OTOA: variants seen among roughly 807,000 people sequenced by gnomAD.
OTOA encodes cancer/testis antigen 108.
Under a neutral mutation model 110.8 loss-of-function variants are expected in OTOA, and 70 were observed. The observed-to-expected ratio is 0.63, with a 90% CI of 0.52 to 0.77. OTOA has a LOEUF of 0.77. Ranked by LOEUF, OTOA falls within the 30% of genes least tolerant of loss-of-function variation. The pLI, the probability that OTOA is intolerant of heterozygous loss-of-function variation, is 0.00. For missense variants in OTOA, 917 were observed against 1,075.8 expected (o/e 0.85, Z 2.06); for synonymous variants, 373 against 431.5 (o/e 0.86, Z 1.68).
chr16:21,711,162 G>A (rs74557138), intron 13 of OTOA, among the ~76,000 whole-genome samples: 2,727 of 152,292 alleles, frequency 0.018, 102 homozygotes, highest in African/African-American at 0.062. Context: ...TGGGATCAAC[G>A]TGTGGGACTC....
intron 11 of OTOA, among the ~76,000 whole-genome samples, chr16:21,701,368 TTTAAG>T (rs1898049557): frequency 6.6e-6 from 1 of 152,148 alleles, no homozygotes; most frequent in South Asian, 2.1e-4. Flanking sequence ...GTGATTTCCG[TTTAAG>T]TTGAGTCAAG....
chr16:21,695,951 G>A (rs1410347739), intron 9 of OTOA, among the ~76,000 whole-genome samples: 2 of 138,664 alleles, frequency 1.4e-5, no homozygotes, highest in Non-Finnish European at 3.0e-5. Flanking sequence ...CTGGAGTGCA[G>A]TGGTATGATC....
At chr16:21,668,767 G>A (rs1023015416) in intron 1 of OTOA, among the ~76,000 whole-genome samples, 11 of 151,952 alleles carry the variant, frequency 7.2e-5, no homozygotes, top group African/African-American at 2.2e-4. Flanking sequence ...CAGACATGAC[G>A]TGTTTGAATC....
intron 11 of OTOA, chr16:21,704,854 G>A (rs1200610524): frequency 3.9e-6 from 3 of 762,440 alleles, no homozygotes; most frequent in Non-Finnish European, 7.3e-6. Flanking sequence ...CTTGCTACAA[G>A]GTGATGCTGG....
intron 10 of OTOA, among the ~76,000 whole-genome samples, chr16:21,700,530 G>C (rs215886): frequency 0.71 from 106,882 of 151,582 alleles, 38,048 homozygotes; most frequent in Non-Finnish European, 0.74. Context: ...TTCGAGACCA[G>C]CCTGGACAAC....
At chr16:21,698,133 G>A (rs1462956106) in intron 10 of OTOA, among the ~76,000 whole-genome samples, 1 of 152,154 alleles carries the variant, frequency 6.6e-6, no homozygotes, top group Non-Finnish European at 1.5e-5. Context: ...TCTGATGTGA[G>A]CAAACATGAT....
chr16:21,686,394 T>A (rs1325684535), intron 7 of OTOA, among the ~76,000 whole-genome samples: 1 of 151,720 alleles, frequency 6.6e-6, no homozygotes, highest in African/African-American at 2.4e-5. Flanking sequence ...GCCCAAGTGA[T>A]CCTCCCACCT....
chr16:21,699,711 G>A (rs922533699), intron 10 of OTOA, among the ~76,000 whole-genome samples: 5 of 151,972 alleles, frequency 3.3e-5, no homozygotes, highest in African/African-American at 1.2e-4. Flanking sequence ...GTGAGGTCAG[G>A]TGTTCAAGAC....
intron 7 of OTOA, among the ~76,000 whole-genome samples, chr16:21,686,982 G>A (rs1897727824): frequency 6.6e-6 from 1 of 152,174 alleles, no homozygotes; most frequent in South Asian, 2.1e-4. Context: ...AAAGACGCAT[G>A]AGTCCCTTTA....
At chr16:21,665,089 C>A (rs575062843) in intron 1 of OTOA, among the ~76,000 whole-genome samples, 3 of 152,224 alleles carry the variant, frequency 2.0e-5, no homozygotes, top group African/African-American at 7.2e-5. Flanking sequence ...GAAATGCAAG[C>A]CTATAGAGGT....
chr16:21,670,222 G>A (rs559461763), intron 1 of OTOA, among the ~76,000 whole-genome samples: 18 of 151,792 alleles, frequency 1.2e-4, no homozygotes, highest in African/African-American at 3.9e-4. Flanking sequence ...AAGTCAGAGC[G>A]CTCACAATGG....
rs746382526 is a variant in OTOA, at chr16:21,697,891, A to G, written c.840+16A>G. ...TCCTATAGAAGTAAGTTGGAAAAGT[A>G]CATTTATATGTCACCATTACTAATA... On this transcript the variant is annotated intron_variant, in intron 10 of 28. Transcript: ENST00000646100. 6.3e-7 allele frequency: 1 copy of G among 1,586,152 alleles called. No individual in the cohort carries two copies. Among genetic ancestry groups the G allele is most frequent in the Non-Finnish European group, 8.7e-7 (1 of 1,154,650 alleles).
chr16:21,721,511 G>A (rs972597555), intron 17 of OTOA: 6 of 455,928 alleles, frequency 1.3e-5, no homozygotes, highest in Admixed American at 7.1e-5. Flanking sequence ...GGTCGAAAAT[G>A]TCAATAATAC....
Position 21,719,477 on chromosome 16 carries a change from C to G in OTOA, c.1779C>G (p.Asn593Lys), listed in dbSNP as rs940529270. Residue 593 changes from asparagine (N) to lysine (K), a missense_variant, in exon 17 of 29, where the codon AAC becomes AAG. Asn to Lys is a moderately conservative substitution (Grantham distance 94, BLOSUM62 0). This residue lies in a region of OTOA where 840 missense variants were observed against 910.2 expected (regional missense o/e 0.92). Transcript: ENST00000646100. ...FFLAHFQDFQ[N>K]NFALLSPYQV... ...TGGCCCATTTCCAGGATTTTCAGAACAACTTCGCCCTGCTTTCACCCTATC... is the reference window on the plus strand; with the variant it reads ...TGGCCCATTTCCAGGATTTTCAGAAGAACTTCGCCCTGCTTTCACCCTATC... 4.3e-6 allele frequency: 7 copies of G among 1,614,122 alleles called. No homozygotes were observed. The East Asian group carries it at 1.6e-4, about 36-fold the overall frequency.
At chr16:21,756,842 C>T (rs1284306035) in intron 27 of OTOA, among the ~76,000 whole-genome samples, 1 of 148,668 alleles carries the variant, frequency 6.7e-6, no homozygotes, top group Non-Finnish European at 1.5e-5. Flanking sequence ...TTAATGCTTG[C>T]TTATGGCAAG....
chr16:21,719,678 T>C (rs1404289736), intron 17 of OTOA, among the ~76,000 whole-genome samples, 174 bp downstream of exon 17: 1 of 152,128 alleles, frequency 6.6e-6, no homozygotes, highest in Non-Finnish European at 1.5e-5. Flanking sequence ...CAGCTCCAAA[T>C]ACCCACATCA....
chr16:21,710,624 C>A (rs1257220862), intron 13 of OTOA, among the ~76,000 whole-genome samples: 1 of 152,158 alleles, frequency 6.6e-6, no homozygotes, highest in South Asian at 2.1e-4. Context: ...CAAATCCTTG[C>A]TCTGCCATTT....
chr16:21,728,172 T>A (rs1366943949), intron 19 of OTOA, 69 bp from the exon 20 acceptor site: 1 of 1,589,224 alleles, frequency 6.3e-7, no homozygotes, highest in Non-Finnish European at 8.6e-7. Context: ...CCCCACAGGA[T>A]GTGTTTCTAA....
rs1898645811 is a variant in OTOA at position 21,719,150 on chromosome 16, G to A, written c.1647G>A (p.Glu549=). ...LGRSQALFLY[E]LLLKTTRRPE... is the part of the protein sequence containing the mutation. ...TCTCGCAGGCTCTGTTCCTGTATGA[G>A]CTTCTGTTAAAGACCACCAGAAGGC... The change falls in exon 16 of 29, where the codon GAG becomes GAA. Residue 549 remains glutamate (E), a synonymous_variant. Transcript: ENST00000646100. The A allele has an allele frequency of 1.2e-6, 2 of 1,613,902 alleles. No individual in the cohort carries two copies. The highest frequency in any genetic ancestry group is 1.7e-6 in the Non-Finnish European group (2 of 1,180,034).
Sources: gnomAD v4.1 joint callset for allele counts (sites outside exome capture counted in the v4.1 genomes callset) on GRCh38, gnomAD v4.1.1 for gene constraint, gnomAD v4.1.1 regional missense constraint, MANE v1.5 for transcripts, NCBI Gene and HGNC (gene_info 2026-07-23, HGNC 2026-07-21) for gene names.